Variants in GASK1A observed in about 807,000 individuals in gnomAD.
GASK1A encodes Golgi-associated kinase 1A.
A neutral mutation model predicts 41.2 loss-of-function variants in GASK1A; 40 were observed. The observed-to-expected ratio is 0.97, with a 90% CI of 0.75 to 1.27. GASK1A has a LOEUF of 1.27. Ranked by LOEUF, GASK1A falls within the 50% of genes most tolerant of loss-of-function variation. GASK1A has a pLI of 0.00. For synonymous variants in GASK1A, 316 were observed against 307.1 expected (o/e 1.03, Z -0.30); for missense variants, 678 against 745.1 (o/e 0.91, Z 1.05).
At chr3:42,980,792 T>A (rs1047796601) in intron 1 of GASK1A, among the ~76,000 whole-genome samples, 1 of 151,942 alleles carries the variant, frequency 6.6e-6, no homozygotes, top group African/African-American at 2.4e-5. Context: ...TCAAAGCTGC[T>A]AAGAGAAGGA....
At chr3:43,055,715 G>T in intron 4 of GASK1A, 180 bp downstream of exon 4, 3 of 587,934 alleles carry the variant, frequency 5.1e-6, no homozygotes, top group Non-Finnish European at 9.2e-6. Flanking sequence ...GATACAGTTG[G>T]CAGGGCCTAC....
At chr3:42,997,304 C>G (rs2089380658) in intron 1 of GASK1A, among the ~76,000 whole-genome samples, 1 of 152,160 alleles carries the variant, frequency 6.6e-6, no homozygotes, top group Non-Finnish European at 1.5e-5. Context: ...CTCAATAAGT[C>G]TTGCTGATCT....
chr3:42,995,806 G>A (rs1038755661), intron 1 of GASK1A, among the ~76,000 whole-genome samples: 3 of 152,224 alleles, frequency 2.0e-5, no homozygotes, highest in Non-Finnish European at 4.4e-5. Context: ...TGGAAGGTTG[G>A]AAAGGTATAG....
rs1323397648 is a variant in GASK1A, at chr3:43,033,519, G to A, written c.1256G>A (p.Trp419Ter). The A allele has an allele frequency of 6.5e-7, 1 of 1,545,430 alleles. No homozygotes were observed. The highest frequency in any genetic ancestry group is 2.0e-5 in the Admixed American group (1 of 50,798). ...APCPGIHHTE[W>*]ARLALFDFLL... ...TGCCCGGGCATCCACCATACCGAGT[G>A]GGCACGCCTGGCGCTCTTCGACTTC... Residue 419 changes from tryptophan to a stop codon, truncating the protein, a stop_gained, in exon 2 of 5, where the codon TGG becomes TAG. Transcript: ENST00000430121. LOFTEE classifies it high-confidence loss of function.
chr3:42,995,040 G>A (rs2089362360), intron 1 of GASK1A, among the ~76,000 whole-genome samples: 1 of 152,182 alleles, frequency 6.6e-6, no homozygotes, highest in African/African-American at 2.4e-5. Context: ...AATGTAAATA[G>A]TCACATGTGG....
intron 1 of GASK1A, among the ~76,000 whole-genome samples, chr3:43,002,188 A>G (rs1226075824): frequency 1.3e-5 from 2 of 152,174 alleles, no homozygotes; most frequent in African/African-American, 2.4e-5. Flanking sequence ...AGACAAACCG[A>G]CAGTCGCAGA....
chr3:43,039,205 G>GTTTTTTTTTT (rs1329284553), intron 2 of GASK1A, among the ~76,000 whole-genome samples: 1 of 125,786 alleles, frequency 8.0e-6, no homozygotes, highest in Non-Finnish European at 1.7e-5. Flanking sequence ...TTTTTTTTTG[G>GTTTTTTTTTT]TTTTTTTTTT....
intron 1 of GASK1A, among the ~76,000 whole-genome samples, chr3:43,020,083 A>G (rs1468103167): frequency 2.6e-5 from 4 of 152,020 alleles, no homozygotes; most frequent in Non-Finnish European, 4.4e-5. Flanking sequence ...TAGGCAGTGG[A>G]GGTGTCAGGG....
At chr3:43,030,353 C>G (rs1410405929) in intron 1 of GASK1A, among the ~76,000 whole-genome samples, 3 of 152,302 alleles carry the variant, frequency 2.0e-5, no homozygotes, top group South Asian at 4.2e-4. Context: ...CAGAGATGAC[C>G]TGGATTAGGC....
intron 1 of GASK1A, among the ~76,000 whole-genome samples, chr3:42,988,566 A>C (rs2089324196): frequency 6.6e-6 from 1 of 152,252 alleles, no homozygotes; most frequent in East Asian, 1.9e-4. Context: ...AGAGTAAGGC[A>C]CAGAGACAAA....
At chr3:42,983,314 C>T (rs2089291291) in intron 1 of GASK1A, among the ~76,000 whole-genome samples, 1 of 151,916 alleles carries the variant, frequency 6.6e-6, no homozygotes, top group Non-Finnish European at 1.5e-5. Flanking sequence ...TACAAACGAC[C>T]CACAAAAATA....
intron 1 of GASK1A, among the ~76,000 whole-genome samples, chr3:42,982,786 G>A (rs895167726): frequency 2.0e-5 from 3 of 152,192 alleles, no homozygotes; most frequent in Admixed American, 6.5e-5. Flanking sequence ...AGGGCCCAGC[G>A]TGCTGTGGGA....
Position 43,040,815 on chromosome 3 carries a change from C to T in GASK1A, c.1290+7262C>T, listed in dbSNP as rs1333998042. On this transcript the variant is annotated intron_variant, in intron 2 of 4. Transcript: ENST00000430121. ...GTTACATATGTATACATGTGACATGCTGGTGCGCTGCACCCACTAACTTGT... is the reference window on the plus strand; with the variant it reads ...GTTACATATGTATACATGTGACATGTTGGTGCGCTGCACCCACTAACTTGT... Among the ~76,000 whole-genome samples the T allele has an allele frequency of 2.7e-5, 4 of 149,994 alleles. No individual in the cohort carries two copies. The East Asian group carries it at 5.9e-4, about 22-fold the overall frequency.
At chr3:43,039,204 G>T (rs112068336) in intron 2 of GASK1A, among the ~76,000 whole-genome samples, 288 of 136,532 alleles carry the variant, frequency 2.1e-3, no homozygotes, top group Non-Finnish European at 3.5e-3. Context: ...TTTTTTTTTT[G>T]GTTTTTTTTT....
chr3:43,052,838 TC>T (rs2089697706), intron 2 of GASK1A, among the ~76,000 whole-genome samples: 1 of 152,166 alleles, frequency 6.6e-6, no homozygotes, highest in Non-Finnish European at 1.5e-5. Flanking sequence ...CCACGATTCT[TC>T]CTATTGCTGA....
rs370627593 is a variant in GASK1A, at chr3:42,982,848, A to C, written c.3+3203A>C. Among the ~76,000 whole-genome samples the C allele has an allele frequency of 1.4e-4, 21 of 152,356 alleles. No individual in the cohort carries two copies. The East Asian group carries it at 1.5e-3, about 11-fold the overall frequency. ...CTGTGCTGTGGGCAGGTCATCAGGCAGGCAGCAGTGGGGGCAATGGAGTCC... is the reference window on the plus strand; with the variant it reads ...CTGTGCTGTGGGCAGGTCATCAGGCCGGCAGCAGTGGGGGCAATGGAGTCC... On this transcript the variant is annotated intron_variant, in intron 1 of 4. Transcript: ENST00000430121.
rs145115788 is a variant in GASK1A, at chr3:43,035,823, A to G, written c.1290+2270A>G. Among the ~76,000 whole-genome samples, 16 of 152,324 alleles carry G rather than the reference A, an allele frequency of 1.1e-4. No individual in the cohort carries two copies. The East Asian group carries it at 2.9e-3, about 28-fold the overall frequency. On this transcript the variant is annotated intron_variant, in intron 2 of 4. Coordinates refer to ENST00000430121, the MANE Select transcript of GASK1A (RefSeq NM_001129908.3). ...TGGCAACCTATGAGTGAGATACTAC[A>G]TTTAATCCTATTTTAAAGTTGAGAA...
At chr3:43,001,924 G>A (rs1476290052) in intron 1 of GASK1A, among the ~76,000 whole-genome samples, 1 of 152,068 alleles carries the variant, frequency 6.6e-6, no homozygotes, top group Non-Finnish European at 1.5e-5. Flanking sequence ...TTTCCCACCC[G>A]CAGTTGTGGC....
chr3:43,046,520 C>G (rs1368103038), intron 2 of GASK1A, among the ~76,000 whole-genome samples: 2 of 152,132 alleles, frequency 1.3e-5, no homozygotes, highest in Admixed American at 1.3e-4. Context: ...GGAATTGGAA[C>G]TTATAATTAA....
Sources: allele counts gnomAD v4.1 joint callset (sites outside exome capture counted in the v4.1 genomes callset), GRCh38; gene constraint gnomAD v4.1.1; transcripts MANE v1.5; gene names NCBI Gene and HGNC (gene_info 2026-07-23, HGNC 2026-07-21).